Variants in COPS4 observed in about 807,000 individuals in gnomAD.
COPS4 encodes the protein COP9 signalosome complex subunit 4.
Under a neutral mutation model 55.1 loss-of-function variants are expected in COPS4, and 8 were observed. That is an observed-to-expected ratio of 0.15 (90% confidence interval 0.09 to 0.26). The LOEUF (loss-of-function observed/expected upper bound fraction) is 0.26, where lower values mean the gene tolerates loss of function less well. Ranked by LOEUF, COPS4 falls within the 10% of genes least tolerant of loss-of-function variation. COPS4 has a pLI of 1.00. For synonymous variants in COPS4, 185 were observed against 165.7 expected (o/e 1.12, Z -0.90); for missense variants, 248 against 484.0 (o/e 0.51, Z 4.58).
intron 1 of COPS4, among the ~76,000 whole-genome samples, chr4:83,042,711 T>A (rs1730599151): frequency 6.6e-6 from 1 of 151,806 alleles, no homozygotes; most frequent in Non-Finnish European, 1.5e-5. Flanking sequence ...CAGGCAATCC[T>A]CCCCCCTCAG....
intron 9 of COPS4, among the ~76,000 whole-genome samples, chr4:83,070,713 A>G (rs1731404267): frequency 6.6e-6 from 1 of 152,098 alleles, no homozygotes; most frequent in African/African-American, 2.4e-5. Flanking sequence ...CATATCTACA[A>G]TTGCTCCTTT....
intron 9 of COPS4, among the ~76,000 whole-genome samples, chr4:83,072,992 CAT>C (rs1248308754): frequency 1.3e-5 from 2 of 151,926 alleles, no homozygotes; most frequent in East Asian, 3.9e-4. Flanking sequence ...GCCTAGGCAA[CAT>C]AACGAGACCC....
intron 4 of COPS4, among the ~76,000 whole-genome samples, chr4:83,051,365 C>T (rs1002560140): frequency 6.6e-6 from 1 of 152,084 alleles, no homozygotes; most frequent in African/African-American, 2.4e-5. Context: ...TTTGAGGCTG[C>T]AGTGGGCCAT....
At chr4:83,070,264 A>G (rs565181025) in intron 9 of COPS4, among the ~76,000 whole-genome samples, 3 of 152,224 alleles carry the variant, frequency 2.0e-5, no homozygotes, top group East Asian at 1.9e-4. Context: ...CTGAGTTTCC[A>G]TGGGTAATCT....
rs550729771 is a variant in COPS4 at position 83,042,116 on chromosome 4, C to T, written c.75-3510C>T. ...TTGACCTCAAGTGATTGGCCCACCT[C>T]AGCCTCCCAAAGTGCTGGGATTACA... is the stretch of plus-strand genomic sequence containing the variant. On this transcript the variant is annotated intron_variant, in intron 1 of 9. Transcript: ENST00000264389. Among the ~76,000 whole-genome samples the T allele has an allele frequency of 1.3e-3, 194 of 151,184 alleles. 9 individuals are homozygous for T. In the South Asian group the frequency reaches 0.038, roughly 30 times the overall value.
intron 4 of COPS4, among the ~76,000 whole-genome samples, chr4:83,050,480 A>G (rs1319213695): frequency 6.6e-6 from 1 of 152,100 alleles, no homozygotes; most frequent in Non-Finnish European, 1.5e-5. Flanking sequence ...TATTTTTACT[A>G]GATTTTCACC....
intron 3 of COPS4, 172 bp downstream of exon 3, chr4:83,049,489 C>A: frequency 1.8e-6 from 1 of 541,402 alleles, no homozygotes; most frequent in South Asian, 3.2e-5. Context: ...TGTTACAACT[C>A]CAACTGACAT....
At chr4:83,036,739 C>T (rs1279660406) in intron 1 of COPS4, among the ~76,000 whole-genome samples, 1 of 143,674 alleles carries the variant, frequency 7.0e-6, no homozygotes, top group African/African-American at 2.6e-5. Context: ...TTAAATATGT[C>T]TTCATGGCTC....
chr4:83,068,702 G>T (rs879752838), intron 9 of COPS4, among the ~76,000 whole-genome samples, 180 bp downstream of exon 9: 1 of 152,168 alleles, frequency 6.6e-6, no homozygotes, highest in Non-Finnish European at 1.5e-5. Context: ...GGGCATGGCG[G>T]CTCATGCCTG....
chr4:83,068,379 A>G (rs1731339891), intron 8 of COPS4, 59 bp from the exon 9 acceptor site: 2 of 1,155,724 alleles, frequency 1.7e-6, no homozygotes, highest in South Asian at 2.6e-5. Context: ...TTCTCTTTTC[A>G]TATGTGAATA....
chr4:83,062,132 C>T (rs1283115273), intron 6 of COPS4, among the ~76,000 whole-genome samples: 1 of 152,024 alleles, frequency 6.6e-6, no homozygotes, highest in African/African-American at 2.4e-5. Context: ...TTAATGTTAT[C>T]GGTTGTCACT....
chr4:83,045,507 C>A, intron 1 of COPS4, 119 bp from the exon 2 acceptor site: 4 of 660,536 alleles, frequency 6.1e-6, no homozygotes, highest in East Asian at 2.9e-5. Flanking sequence ...TAAAGAAAAC[C>A]ACAAACTATA....
chr4:83,050,140 A>G lies in COPS4; in HGVS notation c.410+156A>G, dbSNP rs140197845. Among the ~76,000 whole-genome samples, 171 of 152,298 alleles carry G rather than the reference A, an allele frequency of 1.1e-3. 1 individual carries two copies. The highest frequency in any genetic ancestry group is 4.0e-3 in the African/African-American group (166 of 41,574). On this transcript the variant is annotated intron_variant, in intron 4 of 9. Transcript: ENST00000264389. Reference sequence around the variant, plus strand: ...GTGATAAGTGCTGTGGAGAAAAGTAATGGGGCAAAGCGGGGACAGGTTGTA... The same window carrying G: ...GTGATAAGTGCTGTGGAGAAAAGTAGTGGGGCAAAGCGGGGACAGGTTGTA...
intron 9 of COPS4, among the ~76,000 whole-genome samples, chr4:83,068,788 G>A (rs1234241050): frequency 2.6e-5 from 4 of 152,026 alleles, no homozygotes; most frequent in African/African-American, 4.8e-5. Context: ...TGGCCAACAC[G>A]GTGAAACCCT....
At chr4:83,064,711 C>G (rs1032457193) in intron 7 of COPS4, among the ~76,000 whole-genome samples, 1 of 151,904 alleles carries the variant, frequency 6.6e-6, no homozygotes, top group African/African-American at 2.4e-5. Flanking sequence ...AGGTGCACAC[C>G]ACCATGCCTG....
chr4:83,061,734 A>G (rs1731169170), intron 6 of COPS4, among the ~76,000 whole-genome samples: 1 of 149,178 alleles, frequency 6.7e-6, no homozygotes, highest in African/African-American at 2.5e-5. Flanking sequence ...TTAGATGGAG[A>G]TGAGGTCTTG....
intron 1 of COPS4, among the ~76,000 whole-genome samples, chr4:83,040,081 G>A (rs1430720245): frequency 6.6e-6 from 1 of 152,174 alleles, no homozygotes; most frequent in Non-Finnish European, 1.5e-5. Flanking sequence ...TAGTTCTTCA[G>A]GCCTACCTTC....
intron 7 of COPS4, among the ~76,000 whole-genome samples, chr4:83,063,468 C>T (rs1371239558): frequency 1.3e-5 from 2 of 150,874 alleles, no homozygotes; most frequent in African/African-American, 2.5e-5. Context: ...GGCACAATGG[C>T]GTGATCTCGG....
chr4:83,061,156 CT>C (rs1484122958), intron 6 of COPS4, among the ~76,000 whole-genome samples: 1 of 150,396 alleles, frequency 6.6e-6, no homozygotes, highest in Non-Finnish European at 1.5e-5. Flanking sequence ...CTTTTTTGTA[CT>C]TTTATTTTGA....
Sources: gnomAD v4.1 joint callset for allele counts (sites outside exome capture counted in the v4.1 genomes callset) on GRCh38, gnomAD v4.1.1 for gene constraint, MANE v1.5 for transcripts, NCBI Gene and HGNC (gene_info 2026-07-23, HGNC 2026-07-21) for gene names.